Variants in TTC39C observed in about 807,000 individuals in gnomAD.
TTC39C encodes tetratricopeptide repeat domain 39C, also known as tetratricopeptide repeat protein 39C.
A neutral mutation model predicts 76.3 loss-of-function variants in TTC39C; 33 were observed. That is an observed-to-expected ratio of 0.43 (90% CI 0.33 to 0.58). The LOEUF (loss-of-function observed/expected upper bound fraction) is 0.58. TTC39C is among the 20% of genes least tolerant of loss of function. TTC39C has a pLI of 0.04. For missense variants in TTC39C, 595 were observed against 701.4 expected, an observed-to-expected ratio of 0.85 and a Z score of 1.71; for synonymous variants, 254 against 260.6, an observed-to-expected ratio of 0.97 and a Z score of 0.24.
rs1254315508 is a variant in TTC39C at position 24,042,543 on chromosome 18, C to G, written c.168-21597C>G. ...CTGTGTGGCCCAGTTCCTAACAGGC[C>G]ATGGACCCTGCGACCCAGGGGTTGG... is the stretch of plus-strand genomic sequence containing the variant. On this transcript the variant is annotated intron_variant, in intron 1 of 13. Transcript: ENST00000317571. Among the ~76,000 whole-genome samples, 3 of 152,192 alleles carry G rather than the reference C, an allele frequency of 2.0e-5. No individual in the cohort carries two copies. In the East Asian group the frequency reaches 5.8e-4, roughly 29 times the overall value.
intron 12 of TTC39C, among the ~76,000 whole-genome samples, chr18:24,131,208 CAAAA>C (rs35276530): frequency 2.5e-5 from 3 of 119,512 alleles, no homozygotes; most frequent in African/African-American, 3.6e-5. Flanking sequence ...GACCCTGTCT[CAAAA>C]AAAAAAAAAA....
At chr18:24,020,742 C>CT (rs1232760522) in intron 1 of TTC39C, among the ~76,000 whole-genome samples, 1 of 152,104 alleles carries the variant, frequency 6.6e-6, no homozygotes, top group Non-Finnish European at 1.5e-5. Context: ...CTAATGCAAC[C>CT]TTTTTTTCCA....
rs1437477982 is a variant in TTC39C, at chr18:24,120,452, A to G, written c.1186+2220A>G. ...AGCTAGAGGGCATGGGCATTCAGGG[A>G]CCCCAAACACTGCCACCAGGGCTTA... On this transcript the variant is annotated intron_variant, in intron 8 of 13. Coordinates refer to ENST00000317571, the MANE Select transcript of TTC39C (RefSeq NM_001135993.2). 3.3e-5 allele frequency among the ~76,000 whole-genome samples: 5 copies of G among 152,176 alleles called. No individual in the cohort carries two copies. In the East Asian group the frequency reaches 9.6e-4, roughly 29 times the overall value.
chr18:24,020,371 T>C, intron 1 of TTC39C: 1 of 904,124 alleles, frequency 1.1e-6, no homozygotes, highest in Admixed American at 6.1e-5. Flanking sequence ...AAAAAATACC[T>C]GTGCTATAGT....
chr18:23,994,538 C>G (rs368357796), intron 1 of TTC39C: 2 of 152,200 alleles, frequency 1.3e-5, no homozygotes, highest in African/African-American at 4.8e-5. Context: ...GTGCTTCCCC[C>G]ACTCGCCCCT....
upstream of TTC39C, among the ~76,000 whole-genome samples, chr18:24,010,907 G>A (rs569601745): frequency 9.9e-5 from 15 of 152,262 alleles, no homozygotes; most frequent in South Asian, 2.5e-3. Context: ...AATTAGCTGG[G>A]TGTGGTGACA....
intron 1 of TTC39C, among the ~76,000 whole-genome samples, chr18:24,053,954 C>G (rs1026959975): frequency 1.3e-5 from 2 of 152,156 alleles, no homozygotes; most frequent in South Asian, 4.1e-4. Flanking sequence ...GAAAAAACAA[C>G]TTTTTAAATA....
intron 8 of TTC39C, among the ~76,000 whole-genome samples, chr18:24,123,435 C>T (rs908115131): frequency 2.0e-5 from 3 of 152,022 alleles, no homozygotes; most frequent in African/African-American, 7.3e-5. Flanking sequence ...GAGACAGAGT[C>T]TCATTCTGTC....
At chr18:24,030,978 CTG>C (rs1395694389) in intron 1 of TTC39C, among the ~76,000 whole-genome samples, 1 of 150,672 alleles carries the variant, frequency 6.6e-6, no homozygotes, top group Non-Finnish European at 1.5e-5. Context: ...GGGTCTTACT[CTG>C]TTGCCCAGGC....
At chr18:24,054,666 G>C (rs1599279153) in intron 1 of TTC39C, among the ~76,000 whole-genome samples, 1 of 152,252 alleles carries the variant, frequency 6.6e-6, no homozygotes, top group South Asian at 2.1e-4. Context: ...AGGTCATGAT[G>C]ATATTCCATC....
chr18:24,131,019 GCAAAAAAAAAAAAAAAAA>G (rs1190168292), intron 12 of TTC39C, among the ~76,000 whole-genome samples: 2 of 18,482 alleles, frequency 1.1e-4, no homozygotes, highest in African/African-American at 4.5e-4. Context: ...CCTCATCTCT[GCAAAAAAAAAAAAAAAAA>G]AAAAAAAAAA....
At chr18:24,083,392 A>G (rs575576632) in intron 6 of TTC39C, among the ~76,000 whole-genome samples, 1 of 152,308 alleles carries the variant, frequency 6.6e-6, no homozygotes, top group East Asian at 1.9e-4. Context: ...AATACAAAAT[A>G]CAATTTTTTT....
intron 1 of TTC39C, among the ~76,000 whole-genome samples, chr18:24,032,080 C>T (rs1016368869): frequency 1.3e-5 from 2 of 152,214 alleles, no homozygotes; most frequent in Non-Finnish European, 2.9e-5. Context: ...AGCCCGAATG[C>T]AGCCAGTCAC....
intron 6 of TTC39C, among the ~76,000 whole-genome samples, chr18:24,097,183 A>G (rs1417713255): frequency 6.6e-6 from 1 of 152,220 alleles, no homozygotes; most frequent in South Asian, 2.1e-4. Context: ...AAACAATCTC[A>G]TAAGTAGCAG....
chr18:24,120,954 T>G (rs114489312), intron 8 of TTC39C: 2 of 152,206 alleles, frequency 1.3e-5, no homozygotes, highest in African/African-American at 4.8e-5. Context: ...GACATTTCGG[T>G]TGTTTCCAAT....
intron 6 of TTC39C, among the ~76,000 whole-genome samples, chr18:24,106,930 CT>C (rs1201677125): frequency 1.3e-5 from 2 of 152,338 alleles, no homozygotes; most frequent in South Asian, 4.1e-4. Flanking sequence ...AGTGATCAGC[CT>C]GCCTTGGCGT....
At chr18:24,046,145 AGC>A (rs1353668303) in intron 1 of TTC39C, among the ~76,000 whole-genome samples, 1 of 151,480 alleles carries the variant, frequency 6.6e-6, no homozygotes, top group Admixed American at 6.6e-5. Flanking sequence ...TCACTGTGTT[AGC>A]CAGGAAGGTC....
intron 6 of TTC39C, among the ~76,000 whole-genome samples, chr18:24,107,314 C>T (rs72879901): frequency 0.12 from 17,774 of 152,166 alleles, 1,216 homozygotes; most frequent in Middle Eastern, 0.28. Flanking sequence ...CACACACGCA[C>T]GCATGTGCAC....
chr18:24,094,317 C>G (rs1019895747), intron 6 of TTC39C, among the ~76,000 whole-genome samples: 2 of 152,206 alleles, frequency 1.3e-5, no homozygotes, highest in African/African-American at 2.4e-5. Flanking sequence ...GTTTCTTCCT[C>G]CACTGAAGTC....
Sources: allele counts gnomAD v4.1 joint callset (sites outside exome capture counted in the v4.1 genomes callset), GRCh38; gene constraint gnomAD v4.1.1; transcripts MANE v1.5; gene names NCBI Gene and HGNC (gene_info 2026-07-23, HGNC 2026-07-21).